Variants in PAX2 observed in about 807,000 individuals in gnomAD.
PAX2 encodes the protein paired box protein Pax-2.
In PAX2, 9 loss-of-function variants were observed where a neutral mutation model predicts 41.7. The observed-to-expected ratio is 0.22, with a 90% CI of 0.13 to 0.38. The LOEUF is 0.38. Ranked by LOEUF, PAX2 falls within the 10% of genes least tolerant of loss-of-function variation. The pLI is 1.00. For missense variants in PAX2, 418 were observed against 531.6 expected, an observed-to-expected ratio of 0.79 and a Z score of 2.10; for synonymous variants, 221 against 212.7, an observed-to-expected ratio of 1.04 and a Z score of -0.34.
Position 100,828,559 on chromosome 10 carries a change from G to C in PAX2, c.*940G>C, listed in dbSNP as rs563365631. ...TCGCAGCCCCATCGGACGCTCTCCC[G>C]GGACCGCCGCAGGACCAGTTTCCAT... On this transcript the variant is annotated 3_prime_UTR_variant, in exon 10 of 10. Transcript: ENST00000355243. The surrounding 1 kb of genome is among the most constrained non-coding windows in gnomAD (Gnocchi z 6.5). 4 of 233,252 alleles carry C rather than the reference G, an allele frequency of 1.7e-5. No individual in the cohort carries two copies. The highest frequency in any genetic ancestry group is 3.6e-4 in the South Asian group (2 of 5,516). 14.4% of individuals were successfully genotyped at this position (233,252 alleles called of 1,614,324 possible). A position where few individuals can be genotyped will look rare whatever the true frequency, so the allele number is the denominator to read the frequency against.
At chr10:100,817,814 T>C (rs1241980246) in intron 7 of PAX2, among the ~76,000 whole-genome samples, 5 of 152,172 alleles carry the variant, frequency 3.3e-5, no homozygotes, top group African/African-American at 1.2e-4. Flanking sequence ...GCTTGGGAAA[T>C]AAGAAATGAA....
chr10:100,775,773 G>A (rs370176685), intron 3 of PAX2, among the ~76,000 whole-genome samples: 1 of 152,188 alleles, frequency 6.6e-6, no homozygotes, highest in South Asian at 2.1e-4. Context: ...AGGAGCAGCT[G>A]CTCTGAGCTG....
chr10:100,811,965 T>G (rs1317231449), intron 7 of PAX2, among the ~76,000 whole-genome samples: 2 of 152,234 alleles, frequency 1.3e-5, no homozygotes, highest in Non-Finnish European at 2.9e-5. Flanking sequence ...CTCCTGGCCC[T>G]GGAGGCTGAT....
At chr10:100,768,771 A>G (rs1485942617) in intron 3 of PAX2, among the ~76,000 whole-genome samples, 1 of 152,224 alleles carries the variant, frequency 6.6e-6, no homozygotes, top group African/African-American at 2.4e-5. Context: ...ATGTATAATT[A>G]TATGTCAATT....
chr10:100,812,850 G>A (rs1006669490), intron 7 of PAX2, among the ~76,000 whole-genome samples: 6 of 152,178 alleles, frequency 3.9e-5, no homozygotes, highest in Non-Finnish European at 7.3e-5. Context: ...AGTCCACCCC[G>A]AAGGAGAGAG....
chr10:100,745,517 G>C (rs1465181091), upstream of PAX2, among the ~76,000 whole-genome samples: 1 of 152,146 alleles, frequency 6.6e-6, no homozygotes, highest in East Asian at 1.9e-4. Context: ...GGCGCGGGGA[G>C]GGGGAGGAGG....
chr10:100,756,710 A>C (rs935567326), intron 3 of PAX2, among the ~76,000 whole-genome samples: 2 of 152,172 alleles, frequency 1.3e-5, no homozygotes, highest in African/African-American at 4.8e-5. Context: ...GTACACTGAA[A>C]ATAATTTATT....
Position 100,827,749 on chromosome 10 carries a change from C to T in PAX2, c.*130C>T. ...CTCCCGGCCACCGCCCCAGCCTCAC[C>T]CCATCCCACGACCCCCGCAACCCTT... is the stretch of plus-strand genomic sequence containing the variant. On this transcript the variant is annotated 3_prime_UTR_variant, in exon 10 of 10. Coordinates refer to ENST00000355243, the MANE Select transcript of PAX2 (RefSeq NM_000278.5). This position sits in a 1 kb window ranked among gnomAD's most constrained non-coding sequence, Gnocchi z 8.5. 6.8e-7 allele frequency: 1 copy of T among 1,478,332 alleles called. No homozygotes were observed. Among genetic ancestry groups the T allele is most frequent in the African/African-American group, 1.4e-5 (1 of 72,204 alleles). 91.6% of individuals were successfully genotyped at this position (1,478,332 alleles called of 1,614,324 possible). A position where few individuals can be genotyped will look rare whatever the true frequency, so the allele number is the denominator to read the frequency against.
intron 7 of PAX2, among the ~76,000 whole-genome samples, chr10:100,820,625 A>T (rs1358894237): frequency 6.6e-6 from 1 of 152,218 alleles, no homozygotes; most frequent in African/African-American, 2.4e-5. Context: ...AAGGCATGAG[A>T]ATCACTTGAA....
intron 4 of PAX2, 51 bp downstream of exon 4, chr10:100,779,634 C>G: frequency 2.2e-6 from 3 of 1,390,348 alleles, no homozygotes; most frequent in Non-Finnish European, 3.0e-6. Context: ...TAGAGAAAGG[C>G]AGGAAACGCA....
At chr10:100,741,381 G>T (rs556287746), upstream of PAX2, among the ~76,000 whole-genome samples, 31 of 141,004 alleles carry the variant, frequency 2.2e-4, no homozygotes, top group African/African-American at 8.2e-4. Context: ...GCAGCCCATG[G>T]TGCTCCATAT....
At chr10:100,762,373 G>A (rs2133860917) in intron 3 of PAX2, among the ~76,000 whole-genome samples, 1 of 152,284 alleles carries the variant, frequency 6.6e-6, no homozygotes, top group Non-Finnish European at 1.5e-5. Context: ...AACCAAGGAG[G>A]ACATTGTGCA....
At chr10:100,801,941 TATC>T (rs1241955715) in intron 5 of PAX2, among the ~76,000 whole-genome samples, 2 of 152,222 alleles carry the variant, frequency 1.3e-5, no homozygotes, top group Non-Finnish European at 2.9e-5. Flanking sequence ...TTAAAATGGT[TATC>T]ATAGTAGTTC....
At chr10:100,819,164 C>G (rs559824359) in intron 7 of PAX2, among the ~76,000 whole-genome samples, 1 of 151,698 alleles carries the variant, frequency 6.6e-6, no homozygotes, top group East Asian at 2.0e-4. Context: ...AGGAGAATCA[C>G]TTGAACCTGG....
Position 100,825,752 on chromosome 10 carries a change from G to A in PAX2, c.1021+1003G>A, listed in dbSNP as rs572092066. 3.3e-5 allele frequency among the ~76,000 whole-genome samples: 5 copies of A among 152,278 alleles called. No homozygotes were observed. In the South Asian group the frequency reaches 1.0e-3, roughly 32 times the overall value. On this transcript the variant is annotated intron_variant, in intron 8 of 9. Transcript: ENST00000355243. ...TGGGTAAGCAGAGCTTGGGGTAGGG[G>A]CAGCGGCAAAGAGGGAGATTGCTGC...
intron 1 of PAX2, 61 bp from the exon 2 acceptor site, chr10:100,749,685 T>C (rs781680412): frequency 6.4e-7 from 1 of 1,568,796 alleles, no homozygotes; most frequent in South Asian, 1.2e-5. Context: ...CCGCGGACCC[T>C]GACTAATGGC....
chr10:100,792,436 G>T (rs567911497), intron 5 of PAX2, among the ~76,000 whole-genome samples: 2 of 152,358 alleles, frequency 1.3e-5, no homozygotes, highest in African/African-American at 4.8e-5. Context: ...TATGGCTTCT[G>T]CGACATACCT....
At chr10:100,749,350 G>A (rs1043139410) in intron 1 of PAX2, 51 of 1,018,384 alleles carry the variant, frequency 5.0e-5, no homozygotes, top group Admixed American at 3.5e-4. Context: ...GGCGCAGGCG[G>A]GATGCTGCTT....
intron 5 of PAX2, among the ~76,000 whole-genome samples, chr10:100,795,403 A>C (rs1352260038): frequency 6.6e-6 from 1 of 152,228 alleles, no homozygotes; most frequent in Non-Finnish European, 1.5e-5. Context: ...GCATGAAGTC[A>C]TATGATGAAC....
Sources: allele counts gnomAD v4.1 joint callset (sites outside exome capture counted in the v4.1 genomes callset), GRCh38; gene constraint gnomAD v4.1.1; non-coding constraint Gnocchi (gnomAD v3.1); transcripts MANE v1.5; gene names NCBI Gene and HGNC (gene_info 2026-07-23, HGNC 2026-07-21).